Variants in GMDS observed in about 807,000 individuals in gnomAD.
GMDS encodes the protein GDP-mannose 4,6 dehydratase.
GMDS carries 20 observed loss-of-function variants against 49.9 expected under a neutral mutation model. The ratio of observed to expected loss-of-function variants is 0.40; its 90% CI spans 0.28 to 0.58. GMDS has a LOEUF of 0.58. Ranked by LOEUF, GMDS falls within the 20% of genes least tolerant of loss-of-function variation. GMDS has a pLI of 0.42. For missense variants in GMDS, 362 were observed against 481.4 expected (o/e 0.75, Z 2.32); for synonymous variants, 177 against 178.6 (o/e 0.99, Z 0.07).
chr6:1,772,337 T>G (rs1284222028), intron 7 of GMDS, among the ~76,000 whole-genome samples: 1 of 152,218 alleles, frequency 6.6e-6, no homozygotes, highest in East Asian at 1.9e-4. Flanking sequence ...GAAATTCTGA[T>G]GCACATAATT....
chr6:1,736,283 G>A (rs1766999768), intron 8 of GMDS, among the ~76,000 whole-genome samples: 1 of 152,158 alleles, frequency 6.6e-6, no homozygotes, highest in African/African-American at 2.4e-5. Context: ...TAGAAGTTCA[G>A]AAACATAAAT....
chr6:1,675,099 G>C (rs1419822389), intron 9 of GMDS, among the ~76,000 whole-genome samples: 1 of 151,844 alleles, frequency 6.6e-6, no homozygotes, highest in Non-Finnish European at 1.5e-5. Context: ...CACCACGCCT[G>C]GCTAATTTTG....
chr6:1,790,265 G>A (rs949402145), intron 7 of GMDS, among the ~76,000 whole-genome samples: 1 of 152,148 alleles, frequency 6.6e-6, no homozygotes, highest in African/African-American at 2.4e-5. Context: ...AAAAGAAGAT[G>A]AGCCAATAAT....
intron 7 of GMDS, among the ~76,000 whole-genome samples, chr6:1,827,078 ATGTGTGTG>A (rs111813765): frequency 0.23 from 28,233 of 124,948 alleles, 3,291 homozygotes; most frequent in South Asian, 0.34. Flanking sequence ...AAAAATATAT[ATGTGTGTG>A]TGTGTGTGTG....
intron 9 of GMDS, among the ~76,000 whole-genome samples, chr6:1,669,352 C>T (rs1764340831): frequency 1.3e-5 from 2 of 152,126 alleles, no homozygotes. Context: ...TGAGTCTACA[C>T]TCTGGAGGCA....
chr6:2,170,564 T>C (rs2127554040), intron 1 of GMDS, among the ~76,000 whole-genome samples: 1 of 151,966 alleles, frequency 6.6e-6, no homozygotes, highest in East Asian at 1.9e-4. Context: ...GAGTTCAAGG[T>C]TGCAGTGGGC....
At chr6:1,711,481 A>G (rs1765961944) in intron 9 of GMDS, among the ~76,000 whole-genome samples, 1 of 152,226 alleles carries the variant, frequency 6.6e-6, no homozygotes, top group African/African-American at 2.4e-5. Flanking sequence ...CCTCTTTAAG[A>G]ACACTTGGGT....
intron 9 of GMDS, among the ~76,000 whole-genome samples, chr6:1,714,706 T>G (rs533402900): frequency 1.3e-5 from 2 of 152,352 alleles, no homozygotes; most frequent in South Asian, 4.1e-4. Context: ...TTATGGAGGC[T>G]CAGAGCCGGC....
chr6:1,801,811 A>ATAC (rs1254732855), intron 7 of GMDS, among the ~76,000 whole-genome samples: 2 of 152,254 alleles, frequency 1.3e-5, no homozygotes, highest in African/African-American at 4.8e-5. Flanking sequence ...TCCACTTGCT[A>ATAC]TACTGTTCAA....
chr6:1,988,474 A>AG (rs1242429319), intron 4 of GMDS, among the ~76,000 whole-genome samples: 2 of 151,998 alleles, frequency 1.3e-5, no homozygotes, highest in Admixed American at 6.6e-5. Flanking sequence ...GGTGGGGGCG[A>AG]GGGGGGCTCC....
At chr6:1,816,667 A>G (rs1433427650) in intron 7 of GMDS, among the ~76,000 whole-genome samples, 1 of 152,240 alleles carries the variant, frequency 6.6e-6, no homozygotes, top group Non-Finnish European at 1.5e-5. Flanking sequence ...ACAGAAGTGC[A>G]CAGAATTAAC....
rs557877897 is a variant in GMDS at position 2,052,959 on chromosome 6, C to T, written c.345+62812G>A. 2.7e-4 allele frequency among the ~76,000 whole-genome samples: 41 copies of T among 152,314 alleles called. 3 individuals carry two copies. In the South Asian group the frequency reaches 7.7e-3, roughly 29 times the overall value. ...CTTTATAAGCTTATAAACTTCTCAT[C>T]GTTAGGAAACTTTTAGCTAAGTTTT... On this transcript the variant is annotated intron_variant, in intron 4 of 10. Coordinates refer to ENST00000380815, the MANE Select transcript of GMDS (RefSeq NM_001500.4).
In GMDS at chr6:1,836,058, A is replaced by G. The variant is rs1756911000; in HGVS notation, c.772-93472T>C. On this transcript the variant is annotated intron_variant, in intron 7 of 10. Coordinates refer to ENST00000380815, the MANE Select transcript of GMDS (RefSeq NM_001500.4). This position sits in a 1 kb window ranked among gnomAD's most constrained non-coding sequence, Gnocchi z 4.2. ...AATTTTTTGGATTTTTAGTAGAGAC[A>G]GGGTTTCACCATGTTAGCCAGGATG... 6.6e-6 allele frequency among the ~76,000 whole-genome samples: 1 copy of G among 151,996 alleles called. No individual in the cohort carries two copies. The highest frequency in any genetic ancestry group is 6.6e-5 in the Admixed American group (1 of 15,242).
chr6:2,223,009 C>T (rs184862394), intron 1 of GMDS, among the ~76,000 whole-genome samples: 1 of 152,116 alleles, frequency 6.6e-6, no homozygotes, highest in African/African-American at 2.4e-5. Context: ...GGAGCTGCAA[C>T]ATCAACTCTT....
At position 1,710,813 on chromosome 6, in the gene GMDS, A is replaced by T. The variant is rs556497339; in HGVS notation, c.987+15603T>A. On this transcript the variant is annotated intron_variant, in intron 9 of 10. Transcript: ENST00000380815. Reference sequence around the variant, plus strand: ...GAATGGCTCTTATGTTCCATTGGGGAGGGCGGATGTCAAGCTCTTCCAAAG... The same window carrying T: ...GAATGGCTCTTATGTTCCATTGGGGTGGGCGGATGTCAAGCTCTTCCAAAG... 1.6e-4 allele frequency among the ~76,000 whole-genome samples: 25 copies of T among 152,238 alleles called. 1 individual carries two copies. The highest frequency in any genetic ancestry group is 1.4e-3 in the Admixed American group (21 of 15,290).
chr6:1,994,865 A>T (rs946221568), intron 4 of GMDS, among the ~76,000 whole-genome samples: 1 of 152,206 alleles, frequency 6.6e-6, no homozygotes. Context: ...TAAAAAAGTC[A>T]TATGGAAATC....
intron 4 of GMDS, among the ~76,000 whole-genome samples, chr6:2,112,342 A>G (rs762872545): frequency 6.6e-6 from 1 of 152,210 alleles, no homozygotes; most frequent in Non-Finnish European, 1.5e-5. Flanking sequence ...TCAAACTCAA[A>G]AACCTATATA....
At chr6:2,230,930 T>TCCCCCCCCCCCCCCCCCCCC (rs797010185) in intron 1 of GMDS, among the ~76,000 whole-genome samples, 8 of 14,540 alleles carry the variant, frequency 5.5e-4, no homozygotes, top group Non-Finnish European at 6.3e-4. Context: ...AGTATTCTCT[T>TCCCCCCCCCCCCCCCCCCCC]CCCCCCTCCC....
At chr6:1,743,496 T>C (rs1367729943) in intron 7 of GMDS, among the ~76,000 whole-genome samples, 1 of 136,180 alleles carries the variant, frequency 7.3e-6, no homozygotes, top group Non-Finnish European at 1.6e-5. Flanking sequence ...GGAGCCGAGA[T>C]CGCGCCACTG....
Sources: allele counts gnomAD v4.1 joint callset (sites outside exome capture counted in the v4.1 genomes callset), GRCh38; gene constraint gnomAD v4.1.1; non-coding constraint Gnocchi (gnomAD v3.1); transcripts MANE v1.5; gene names NCBI Gene and HGNC (gene_info 2026-07-23, HGNC 2026-07-21).